SCCPDH: variants seen among roughly 807,000 people sequenced by gnomAD.
The protein encoded by SCCPDH is saccharopine dehydrogenase (putative), also known as saccharopine dehydrogenase-like oxidoreductase.
SCCPDH carries 34 observed loss-of-function variants against 51.5 expected under a neutral mutation model. The observed-to-expected ratio is 0.66, with a 90% confidence interval of 0.50 to 0.88. SCCPDH has a LOEUF of 0.88. SCCPDH is among the 40% of genes least tolerant of loss of function. SCCPDH has a pLI of 0.00. For synonymous variants in SCCPDH, 187 were observed against 191.3 expected (o/e 0.98, Z 0.19); for missense variants, 464 against 527.1 (o/e 0.88, Z 1.17).
intron 4 of SCCPDH, among the ~76,000 whole-genome samples, chr1:246,741,444 A>T (rs1668675016): frequency 6.6e-6 from 1 of 152,084 alleles, no homozygotes; most frequent in Admixed American, 6.6e-5. Flanking sequence ...CTGCAGGCTT[A>T]TGCCACCATA....
chr1:246,734,704 G>C (rs1049546232), intron 2 of SCCPDH, among the ~76,000 whole-genome samples: 3 of 152,040 alleles, frequency 2.0e-5, no homozygotes, highest in African/African-American at 7.3e-5. Flanking sequence ...TTCCTCAAAG[G>C]CTGGAAGAAA....
intron 2 of SCCPDH, among the ~76,000 whole-genome samples, chr1:246,733,546 A>G (rs2102981303): frequency 6.6e-6 from 1 of 151,826 alleles, no homozygotes; most frequent in East Asian, 1.9e-4. Context: ...TCTCAAAGCG[A>G]TCCTTCTGCC....
chr1:246,744,145 T>C lies in SCCPDH; in HGVS notation c.564+20T>C. On this transcript the variant is annotated intron_variant, in intron 5 of 11. Coordinates refer to ENST00000366510, the MANE Select transcript of SCCPDH (RefSeq NM_016002.3). ...CCTGAGGTTGGTTTTTTGGTTTGTC[T>C]TGTGTTGTTTCAAGTTAATATTAAA... 1 of 1,492,496 alleles carries C rather than the reference T, an allele frequency of 6.7e-7. No homozygotes were observed. Among genetic ancestry groups the C allele is most frequent in the Non-Finnish European group, 9.2e-7 (1 of 1,083,706 alleles). 92.5% of individuals were successfully genotyped at this position (1,492,496 alleles called of 1,614,324 possible).
intron 5 of SCCPDH, among the ~76,000 whole-genome samples, chr1:246,750,699 C>G (rs1328627453): frequency 3.3e-5 from 5 of 152,192 alleles, no homozygotes; most frequent in Non-Finnish European, 7.3e-5. Context: ...AATGCCTTGA[C>G]TACATTACTA....
chr1:246,725,223 G>A (rs927946195), intron 1 of SCCPDH, among the ~76,000 whole-genome samples: 2 of 143,820 alleles, frequency 1.4e-5, no homozygotes, highest in Non-Finnish European at 3.0e-5. Flanking sequence ...TAAGCATTCA[G>A]GTAGCATGTA....
chr1:246,765,510 C>T (rs368371757), intron 10 of SCCPDH, among the ~76,000 whole-genome samples: 4 of 152,172 alleles, frequency 2.6e-5, no homozygotes, highest in Admixed American at 6.5e-5. Context: ...ATTATAAATG[C>T]TAATGTTCCG....
chr1:246,746,617 G>A (rs941053061), intron 5 of SCCPDH, among the ~76,000 whole-genome samples: 1 of 152,170 alleles, frequency 6.6e-6, no homozygotes, highest in Non-Finnish European at 1.5e-5. Context: ...GAGGCAGATG[G>A]ATCACTTGAG....
intron 5 of SCCPDH, among the ~76,000 whole-genome samples, chr1:246,754,395 A>C (rs74152239): frequency 0.16 from 24,388 of 152,246 alleles, 2,985 homozygotes; most frequent in African/African-American, 0.34. Context: ...CAGACCCTTC[A>C]CCAAAGGAGA....
intron 2 of SCCPDH, 37 bp downstream of exon 2, chr1:246,727,041 A>G (rs1334712217): frequency 6.4e-6 from 9 of 1,410,058 alleles, no homozygotes; most frequent in Middle Eastern, 1.8e-4. Flanking sequence ...AGAACAAACA[A>G]TCCATTCATT....
At chr1:246,762,868 A>G (rs922997015) in intron 9 of SCCPDH, among the ~76,000 whole-genome samples, 43 of 145,036 alleles carry the variant, frequency 3.0e-4, no homozygotes, top group African/African-American at 9.9e-4. Flanking sequence ...AAAAAGAATC[A>G]CCTAGGAAGC....
At chr1:246,741,704 G>C (rs1668679788) in intron 4 of SCCPDH, among the ~76,000 whole-genome samples, 1 of 152,166 alleles carries the variant, frequency 6.6e-6, no homozygotes. Context: ...CTCAAAAAAT[G>C]ATTTGAAAAT....
intron 10 of SCCPDH, among the ~76,000 whole-genome samples, chr1:246,764,756 C>G (rs901891390): frequency 1.3e-5 from 2 of 152,334 alleles, no homozygotes; most frequent in African/African-American, 2.4e-5. Context: ...TGTATGCACA[C>G]GTGCACTTTT....
intron 5 of SCCPDH, among the ~76,000 whole-genome samples, chr1:246,746,207 T>C (rs1668759533): frequency 6.6e-6 from 1 of 151,338 alleles, no homozygotes; most frequent in Admixed American, 6.6e-5. Flanking sequence ...GAGTGAGCAA[T>C]TGCTGTCCCT....
intron 5 of SCCPDH, among the ~76,000 whole-genome samples, chr1:246,746,790 G>A (rs1322780697): frequency 3.9e-5 from 6 of 152,228 alleles, no homozygotes; most frequent in Non-Finnish European, 7.3e-5. Context: ...GCAGTGAGCC[G>A]AGATCGTGCC....
At chr1:246,737,572 T>C (rs961085719) in intron 3 of SCCPDH, among the ~76,000 whole-genome samples, 21 of 151,950 alleles carry the variant, frequency 1.4e-4, no homozygotes, top group Non-Finnish European at 4.4e-5. Context: ...ATCTAGAAAC[T>C]ATCATAAAAG....
chr1:246,734,666 G>T (rs1186683142), intron 2 of SCCPDH, among the ~76,000 whole-genome samples: 1 of 152,176 alleles, frequency 6.6e-6, no homozygotes, highest in Non-Finnish European at 1.5e-5. Flanking sequence ...ATTTGTAAAG[G>T]TCGATTGTGT....
At position 246,764,259 on chromosome 1, in the gene SCCPDH, CA is replaced by C; in HGVS notation, c.1005del (p.Phe336SerfsTer3). 1 of 1,612,448 alleles carries C rather than the reference CA, an allele frequency of 6.2e-7. No individual in the cohort carries two copies. The highest frequency in any genetic ancestry group is 8.5e-7 in the Non-Finnish European group (1 of 1,178,666). The part of the protein sequence containing the change: ...GPTQKQIDAA[S>X]FTLTFFGQGY... ...TCTCCTTCACAGATTGATGCTGCCTCATTCACGCTGACATTCTTTGGTCAAG... is the reference window on the plus strand; with the variant it reads ...TCTCCTTCACAGATTGATGCTGCCTCTTCACGCTGACATTCTTTGGTCAAG... On this transcript the variant is annotated frameshift_variant, in exon 10 of 12. Transcript: ENST00000366510. LOFTEE classifies it high-confidence loss of function.
At chr1:246,736,407 TC>T (rs1347795995) in intron 3 of SCCPDH, among the ~76,000 whole-genome samples, 1 of 152,096 alleles carries the variant, frequency 6.6e-6, no homozygotes, top group African/African-American at 2.4e-5. Flanking sequence ...CTTTTAAAAA[TC>T]AGGTACCTTT....
At chr1:246,752,268 A>G (rs1366054629) in intron 5 of SCCPDH, among the ~76,000 whole-genome samples, 1 of 152,200 alleles carries the variant, frequency 6.6e-6, no homozygotes, top group Admixed American at 6.5e-5. Context: ...ATTATGTGCT[A>G]GGTGTAGAGC....
Sources: gnomAD v4.1 joint callset for allele counts (sites outside exome capture counted in the v4.1 genomes callset) on GRCh38, gnomAD v4.1.1 for gene constraint, MANE v1.5 for transcripts, NCBI Gene and HGNC (gene_info 2026-07-23, HGNC 2026-07-21) for gene names.